MOV10L1: variants seen among roughly 807,000 people sequenced by gnomAD.
The protein encoded by MOV10L1 is Mov10 like RNA helicase 1, also known as RNA helicase Mov10l1.
In MOV10L1, 110 loss-of-function variants were observed where a neutral mutation model predicts 143.8. That is an observed-to-expected ratio of 0.76 (90% confidence interval 0.66 to 0.90). The LOEUF (loss-of-function observed/expected upper bound fraction) is 0.90. Ranked by LOEUF, MOV10L1 falls within the 40% of genes least tolerant of loss-of-function variation. MOV10L1 has a pLI of 0.00. For synonymous variants in MOV10L1, 593 were observed against 581.1 expected (o/e 1.02, Z -0.29); for missense variants, 1,406 against 1,526.8 (o/e 0.92, Z 1.32).
At chr22:50,116,040 T>C (rs1465767994) in intron 8 of MOV10L1, among the ~76,000 whole-genome samples, 2 of 152,202 alleles carry the variant, frequency 1.3e-5, no homozygotes, top group African/African-American at 2.4e-5. Flanking sequence ...CATCCCTGCC[T>C]AAGCTGCCCG....
At chr22:50,111,803 C>T (rs1271105012) in intron 5 of MOV10L1, among the ~76,000 whole-genome samples, 3 of 152,182 alleles carry the variant, frequency 2.0e-5, no homozygotes, top group Middle Eastern at 6.8e-3. Flanking sequence ...ACGCCCGGCC[C>T]CGAGTCTTTA....
intron 22 of MOV10L1, among the ~76,000 whole-genome samples, chr22:50,154,644 G>A (rs1200210268): frequency 3.3e-5 from 5 of 152,192 alleles, no homozygotes; most frequent in Admixed American, 3.3e-4. Context: ...CCTAGGATCT[G>A]TCCACCTGGT....
At chr22:50,161,098 G>T in intron 26 of MOV10L1, 43 bp downstream of exon 26, 1 of 1,589,308 alleles carries the variant, frequency 6.3e-7, no homozygotes, top group South Asian at 1.1e-5. Context: ...GCTGGCTCTA[G>T]AACGTGCTCT....
intron 3 of MOV10L1, among the ~76,000 whole-genome samples, chr22:50,107,114 A>T (rs1364848500): frequency 2.1e-5 from 3 of 144,662 alleles, no homozygotes; most frequent in East Asian, 4.2e-4. Context: ...TCGCTGTGTC[A>T]CCCAGGCTGG....
In MOV10L1 at chr22:50,108,772, A is replaced by G. The variant is rs915935738; in HGVS notation, c.671A>G (p.Asn224Ser). 1.9e-6 allele frequency: 3 copies of G among 1,614,196 alleles called. No individual in the cohort carries two copies. Among genetic ancestry groups the G allele is most frequent in the South Asian group, 2.2e-5 (2 of 91,086 alleles). The change falls in exon 5 of 27, where the codon AAT (asparagine) becomes AGT (serine). Residue 224 changes from asparagine to serine, a missense_variant. Asn to Ser is a conservative substitution (Grantham distance 46). Coordinates refer to ENST00000262794, the MANE Select transcript of MOV10L1 (RefSeq NM_018995.3). The stretch of plus-strand genomic sequence containing the variant: ...ACACCCCGGAGAGGTGACGTGGTCA[A>G]TGCAGTGGTGGTGGAGAGCAGCCAG... ...GYTPRRGDVVNAVVVESSQSC... is the reference protein window; with the variant it reads ...GYTPRRGDVVSAVVVESSQSC...
Position 50,114,491 on chromosome 22 carries a change from T to A in MOV10L1, c.995T>A (p.Val332Glu), listed in dbSNP as rs2062113057. Residue 332 changes from valine (V) to glutamate (E), a missense_variant, in exon 7 of 27, where the codon GTA becomes GAA. Coordinates refer to ENST00000262794, the MANE Select transcript of MOV10L1 (RefSeq NM_018995.3). ...MLDKDQMCPVVSFVSVPEKEN... is the reference protein window; with the variant it reads ...MLDKDQMCPVESFVSVPEKEN... The stretch of plus-strand genomic sequence containing the variant: ...GATAAAGACCAGATGTGCCCCGTGG[T>A]ATCTTTTGTTTCTGTTCCTGAGAAG... The A allele has an allele frequency of 6.2e-7, 1 of 1,614,134 alleles. No homozygotes were observed. The highest frequency in any genetic ancestry group is 8.5e-7 in the Non-Finnish European group (1 of 1,180,050).
In MOV10L1 at chr22:50,160,984, G is replaced by A; in HGVS notation, c.3483G>A (p.Leu1161=). ...AACAGGACCCCTGTTTTGGTGCTTT[G>A]CTGGAATACAGTATTACAAACGGTG... ...VLVRDPCFGA[L]LEYSITNGVY... Residue 1161 remains leucine, a synonymous_variant, in exon 26 of 27, where the codon TTG becomes TTA. Coordinates refer to ENST00000262794, the MANE Select transcript of MOV10L1 (RefSeq NM_018995.3). 2.5e-6 allele frequency: 4 copies of A among 1,614,136 alleles called. No individual in the cohort carries two copies. In the South Asian group the frequency reaches 4.4e-5, roughly 18 times the overall value.
intron 13 of MOV10L1, among the ~76,000 whole-genome samples, chr22:50,131,752 A>C (rs2062685042): frequency 6.6e-6 from 1 of 152,022 alleles, no homozygotes; most frequent in Non-Finnish European, 1.5e-5. Flanking sequence ...CAGTTGACCA[A>C]ATATTTGTTG....
At chr22:50,146,996 C>A in intron 19 of MOV10L1, 1 of 1,489,898 alleles carries the variant, frequency 6.7e-7, no homozygotes, top group Non-Finnish European at 9.2e-7. Flanking sequence ...GATTGGACAG[C>A]ACGGATCTGA....
chr22:50,150,893 C>T lies in MOV10L1; in HGVS notation c.2886C>T (p.Pro962=). ...TCGGTGCTTGTGGCGCACATAATCCCCTGTTGGTGAGTCACAGACTCCAGC... is the reference window on the plus strand; with the variant it reads ...TCGGTGCTTGTGGCGCACATAATCCTCTGTTGGTGAGTCACAGACTCCAGC... ...NAFGACGAHN[P]LLVTKLVKNY... The change falls in exon 21 of 27, where the codon CCC becomes CCT. Residue 962 remains proline, a synonymous_variant. Coordinates refer to ENST00000262794, the MANE Select transcript of MOV10L1 (RefSeq NM_018995.3). 6.2e-7 allele frequency: 1 copy of T among 1,614,166 alleles called. No individual in the cohort carries two copies. Among genetic ancestry groups the T allele is most frequent in the East Asian group, 2.2e-5 (1 of 44,882 alleles).
chr22:50,092,479 C>A (rs2062476162), intron 2 of MOV10L1, among the ~76,000 whole-genome samples: 3 of 151,600 alleles, frequency 2.0e-5, no homozygotes. Context: ...AAAAAAAAAA[C>A]CCACAAAAGT....
At chr22:50,130,279 T>A (rs1181816829) in intron 13 of MOV10L1, among the ~76,000 whole-genome samples, 3 of 151,810 alleles carry the variant, frequency 2.0e-5, no homozygotes, top group Non-Finnish European at 2.9e-5. Context: ...TCTCAAAAAA[T>A]AAATAAATAA....
At chr22:50,109,253 G>C (rs1333611962) in intron 5 of MOV10L1, among the ~76,000 whole-genome samples, 1 of 152,164 alleles carries the variant, frequency 6.6e-6, no homozygotes, top group Non-Finnish European at 1.5e-5. Context: ...CTGAGTTGTT[G>C]GGGTAAGAGG....
At chr22:50,160,118 C>T (rs961115534) in intron 24 of MOV10L1, among the ~76,000 whole-genome samples, 3 of 152,000 alleles carry the variant, frequency 2.0e-5, no homozygotes, top group African/African-American at 4.8e-5. Flanking sequence ...GCCCCTAAGA[C>T]CCCGCCATCC....
chr22:50,160,616 A>G lies in MOV10L1; in HGVS notation c.3325-72A>G, dbSNP rs945470208. 1.4e-4 allele frequency: 206 copies of G among 1,508,950 alleles called. 2 individuals are homozygous for G. The South Asian group carries it at 2.2e-3, about 16-fold the overall frequency. The allele number at this position is 1,508,950 out of a possible 1,614,324, so 93.5% of individuals were successfully genotyped here. The stretch of plus-strand genomic sequence containing the variant: ...ATTTAACATTTTTAAATGTTTTTAT[A>G]TATCAAGAGTTTCTCTTCATGCCCC... On this transcript the variant is annotated intron_variant, in intron 24 of 26. Transcript: ENST00000262794.
chr22:50,124,683 GCAT>G (rs2062443395), intron 10 of MOV10L1, among the ~76,000 whole-genome samples: 1 of 152,226 alleles, frequency 6.6e-6, no homozygotes, highest in African/African-American at 2.4e-5. Flanking sequence ...GGTGTCTCAT[GCAT>G]TCCTTAGTGC....
chr22:50,161,229 G>T, intron 26 of MOV10L1, 139 bp from the exon 27 acceptor site: 1 of 987,192 alleles, frequency 1.0e-6, no homozygotes, highest in South Asian at 1.6e-5. Flanking sequence ...CTGGACATTT[G>T]GGGTCATGTC....
rs2063146694 is a variant in MOV10L1, at chr22:50,146,148, A to AGGCCTAGAGCCTG, written c.2627+343_2627+344insAGAGCCTGGGCCT. Among the ~76,000 whole-genome samples, 3 of 151,538 alleles carry AGGCCTAGAGCCTG rather than the reference A, an allele frequency of 2.0e-5. No homozygotes were observed. In the South Asian group the frequency reaches 6.3e-4, roughly 32 times the overall value. On this transcript the variant is annotated intron_variant, in intron 19 of 26. Transcript: ENST00000262794. Reference sequence around the variant, plus strand: ...CGGCCTGAAAGGGGTGGTGAGGGGGAGGCCTGGCGGGCTGTGGAGGGGCCT... The same window carrying AGGCCTAGAGCCTG: ...CGGCCTGAAAGGGGTGGTGAGGGGGAGGCCTAGAGCCTGGGCCTGGCGGGCTGTGGAGGGGCCT...
chr22:50,157,625 T>G (rs13057433), intron 22 of MOV10L1, among the ~76,000 whole-genome samples: 19,482 of 152,098 alleles, frequency 0.13, 1,505 homozygotes, highest in Admixed American at 0.21. Context: ...GGCCGTATAT[T>G]CGAGGGTTTA....
Sources: gnomAD v4.1 joint callset for allele counts (sites outside exome capture counted in the v4.1 genomes callset) on GRCh38, gnomAD v4.1.1 for gene constraint, MANE v1.5 for transcripts, NCBI Gene and HGNC (gene_info 2026-07-23, HGNC 2026-07-21) for gene names.